The following NBAS variants were observed in gnomAD, a reference collection of about 807,000 sequenced individuals.
NBAS encodes the protein NBAS subunit of NRZ tethering complex, also known as NAG/BC035112 fusion.
NBAS carries 219 observed loss-of-function variants against 302.5 expected under a neutral mutation model. That is an observed-to-expected ratio of 0.72 (90% CI 0.65 to 0.81). NBAS has a LOEUF of 0.81. NBAS is among the 30% of genes least tolerant of loss of function. The probability of loss-of-function intolerance (pLI) is 0.00; values close to 1 mark genes in which losing one functional copy is unlikely to be tolerated. For missense variants in NBAS, 2,932 were observed against 2,841.6 expected (o/e 1.03, Z -0.72); for synonymous variants, 1,118 against 1,021.6 (o/e 1.09, Z -1.80).
At chr2:15,057,413 G>GTCCTTTTTT in the NBAS span, among the ~76,000 whole-genome samples, 1 of 149,648 alleles carries the variant, frequency 6.7e-6, no homozygotes, top group African/African-American at 2.5e-5. Context: ...TAAGTTCCAA[G>GTCCTTTTTT]TTTATTCTAG....
intron 11 of NBAS, among the ~76,000 whole-genome samples, chr2:15,503,208 T>C (rs1375966539): frequency 6.6e-6 from 1 of 152,136 alleles, no homozygotes; most frequent in Non-Finnish European, 1.5e-5. Context: ...CTGAAGAACA[T>C]TCCTAAGGCT....
the NBAS span, among the ~76,000 whole-genome samples, chr2:15,155,742 G>A: frequency 7.9e-5 from 12 of 152,296 alleles, no homozygotes; most frequent in Non-Finnish European, 1.8e-4. Context: ...ATCTTCCTTC[G>A]TCTTCCTGCA....
chr2:14,859,306 A>G, the NBAS span, among the ~76,000 whole-genome samples: 2 of 152,048 alleles, frequency 1.3e-5, no homozygotes, highest in East Asian at 3.8e-4. Flanking sequence ...AATACTGATG[A>G]CATTCTTCAC....
chr2:14,886,817 A>G, the NBAS span: 26 of 152,348 alleles, frequency 1.7e-4, no homozygotes, highest in African/African-American at 6.3e-4. Context: ...GGGTAAATGC[A>G]TATCAACAAT....
chr2:15,422,182 G>A (rs1376632358), intron 23 of NBAS, among the ~76,000 whole-genome samples: 1 of 152,080 alleles, frequency 6.6e-6, no homozygotes, highest in Admixed American at 6.6e-5. Context: ...TGACTCCATA[G>A]TTTTGGCTTT....
At chr2:15,510,007 G>A (rs1023524668) in intron 10 of NBAS, among the ~76,000 whole-genome samples, 1 of 152,146 alleles carries the variant, frequency 6.6e-6, no homozygotes, top group Non-Finnish European at 1.5e-5. Context: ...ACACCACCAG[G>A]CCCAGCTAAT....
At chr2:14,997,389 T>C in the NBAS span, among the ~76,000 whole-genome samples, 2 of 151,406 alleles carry the variant, frequency 1.3e-5, no homozygotes, top group East Asian at 3.9e-4. Flanking sequence ...AACTTGGTCT[T>C]CTGCAATGAA....
At chr2:15,083,607 C>T in the NBAS span, among the ~76,000 whole-genome samples, 1 of 152,318 alleles carries the variant, frequency 6.6e-6, no homozygotes, top group East Asian at 1.9e-4. Flanking sequence ...ATGTTTCTTA[C>T]AGGTAAAGCC....
At chr2:15,218,364 C>A (rs1278646018) in intron 48 of NBAS, among the ~76,000 whole-genome samples, 3 of 152,124 alleles carry the variant, frequency 2.0e-5, no homozygotes, top group South Asian at 4.1e-4. Flanking sequence ...GTTTGCATTA[C>A]CAAGATGATT....
chr2:15,141,883 GTTA>G, the NBAS span, among the ~76,000 whole-genome samples: 30 of 152,314 alleles, frequency 2.0e-4, no homozygotes, highest in African/African-American at 7.0e-4. Flanking sequence ...CTCAGCAGAT[GTTA>G]TTATGTCTGT....
chr2:14,995,211 TG>T, the NBAS span, among the ~76,000 whole-genome samples: 3 of 151,802 alleles, frequency 2.0e-5, no homozygotes, highest in Non-Finnish European at 2.9e-5. Flanking sequence ...CCCTCCCCCC[TG>T]CCCCCACTCC....
intron 9 of NBAS, among the ~76,000 whole-genome samples, chr2:15,513,151 C>A (rs889869893): frequency 6.6e-6 from 1 of 152,214 alleles, no homozygotes; most frequent in Admixed American, 6.5e-5. Context: ...ACTTTCTTCA[C>A]AGAAACACAG....
At chr2:15,431,536 T>A (rs1677764415) in intron 21 of NBAS, among the ~76,000 whole-genome samples, 1 of 152,162 alleles carries the variant, frequency 6.6e-6, no homozygotes, top group East Asian at 1.9e-4. Context: ...GTATCTGGCA[T>A]TTAGCAGACT....
chr2:15,025,846 G>A, the NBAS span, among the ~76,000 whole-genome samples: 1 of 152,140 alleles, frequency 6.6e-6, no homozygotes, highest in Non-Finnish European at 1.5e-5. Flanking sequence ...TTGCTTATCA[G>A]CTCAAGTAGC....
intron 21 of NBAS, among the ~76,000 whole-genome samples, chr2:15,441,151 G>C (rs1431804363): frequency 1.3e-5 from 2 of 152,120 alleles, no homozygotes; most frequent in Non-Finnish European, 2.9e-5. Flanking sequence ...AGGAAATACA[G>C]AGAATGCCAC....
At chr2:15,135,702 T>C in the NBAS span, among the ~76,000 whole-genome samples, 1 of 151,966 alleles carries the variant, frequency 6.6e-6, no homozygotes, top group East Asian at 1.9e-4. Flanking sequence ...AAGAGACTCT[T>C]TCAAAGAGAG....
At chr2:14,790,823 GTGTGTGTGTATGTA>G in the NBAS span, among the ~76,000 whole-genome samples, 26 of 151,366 alleles carry the variant, frequency 1.7e-4, no homozygotes, top group Non-Finnish European at 3.5e-4. Flanking sequence ...AGGTAATTTT[GTGTGTGTGTATGTA>G]TGTGTGTTTT....
At chr2:15,312,504 T>C (rs1435468817) in intron 38 of NBAS, among the ~76,000 whole-genome samples, 1 of 152,146 alleles carries the variant, frequency 6.6e-6, no homozygotes, top group African/African-American at 2.4e-5. Context: ...CTTGAACTGA[T>C]GGCCTCAAGT....
chr2:15,457,680 T>C (rs886999650), intron 21 of NBAS, among the ~76,000 whole-genome samples: 1 of 152,188 alleles, frequency 6.6e-6, no homozygotes, highest in Non-Finnish European at 1.5e-5. Flanking sequence ...GCCCAACCAA[T>C]GGTGCGTGGA....
Sources: gnomAD v4.1 joint callset for allele counts (sites outside exome capture counted in the v4.1 genomes callset) on GRCh38, gnomAD v4.1.1 for gene constraint, MANE v1.5 for transcripts, NCBI Gene and HGNC (gene_info 2026-07-23, HGNC 2026-07-21) for gene names.